The following IQCJ variants were observed in gnomAD, a reference collection of about 807,000 sequenced individuals.
The protein encoded by IQCJ is IQ motif containing J.
IQCJ carries 9 observed loss-of-function variants against 11.0 expected under a neutral mutation model. The observed-to-expected ratio is 0.82, with a 90% CI of 0.49 to 1.43. The LOEUF (loss-of-function observed/expected upper bound fraction) is 1.43. Ranked by LOEUF, IQCJ falls within the 40% of genes most tolerant of loss-of-function variation. IQCJ has a pLI of 0.00. For missense variants in IQCJ, 146 were observed against 133.2 expected, an observed-to-expected ratio of 1.10 and a Z score of -0.47; for synonymous variants, 55 against 51.3, an observed-to-expected ratio of 1.07 and a Z score of -0.31.
chr3:159,069,811 T>C (rs778325408), intron 1 of IQCJ: 25 of 472,548 alleles, frequency 5.3e-5, no homozygotes, highest in South Asian at 1.7e-4. Context: ...AAATGGTATG[T>C]TTTAAACACT....
intron 1 of IQCJ, among the ~76,000 whole-genome samples, chr3:159,229,261 C>A (rs1038803342): frequency 6.6e-6 from 1 of 151,242 alleles, no homozygotes; most frequent in Non-Finnish European, 1.5e-5. Flanking sequence ...AGCAACTCCC[C>A]AGCGGTGAGC....
chr3:159,165,523 A>C (rs1052029940), intron 1 of IQCJ, among the ~76,000 whole-genome samples: 1 of 152,210 alleles, frequency 6.6e-6, no homozygotes, highest in Non-Finnish European at 1.5e-5. Flanking sequence ...TGTATTTTCA[A>C]TTACAACAGA....
chr3:159,105,513 G>T (rs1041487058), intron 1 of IQCJ, among the ~76,000 whole-genome samples: 2 of 152,136 alleles, frequency 1.3e-5, no homozygotes, highest in African/African-American at 4.8e-5. Context: ...CACTCTCATG[G>T]GGGGAGACAA....
At chr3:159,186,765 C>G (rs1235658101) in intron 1 of IQCJ, among the ~76,000 whole-genome samples, 1 of 152,234 alleles carries the variant, frequency 6.6e-6, no homozygotes, top group Non-Finnish European at 1.5e-5. Flanking sequence ...CAGTTAATGA[C>G]AGCAGCAAAT....
rs549111961 is a variant in IQCJ at position 159,262,453 on chromosome 3, A to G, written c.156-95A>G. The G allele has an allele frequency of 5.9e-5, 90 of 1,516,796 alleles. No homozygotes were observed. In the South Asian group the frequency reaches 8.0e-4, roughly 13 times the overall value. The allele number at this position is 1,516,796 out of a possible 1,614,324, so 94.0% of individuals were successfully genotyped here. ...TCTACTTCCCTTGGCACCAAAGCCA[A>G]TTCCTTCAGACTCCTTGTGAGTTTC... On this transcript the variant is annotated intron_variant, in intron 3 of 3. Coordinates refer to ENST00000397832, the MANE Select transcript of IQCJ (RefSeq NM_001042706.3).
downstream of IQCJ, among the ~76,000 whole-genome samples, chr3:159,264,785 A>T (rs1208655600): frequency 1.3e-5 from 2 of 151,900 alleles, no homozygotes; most frequent in African/African-American, 4.8e-5. Flanking sequence ...GGTGGCATGC[A>T]CCTGTAATCC....
chr3:159,185,972 A>G (rs1246408016), intron 1 of IQCJ, among the ~76,000 whole-genome samples: 1 of 152,136 alleles, frequency 6.6e-6, no homozygotes. Flanking sequence ...GGGGAATTAG[A>G]CTCCAACTTT....
intron 1 of IQCJ, among the ~76,000 whole-genome samples, chr3:159,113,878 T>C (rs1405401728): frequency 2.0e-5 from 3 of 152,022 alleles, no homozygotes; most frequent in Admixed American, 2.0e-4. Context: ...TTTCTTTTTA[T>C]ACATTGAAAA....
intron 1 of IQCJ, among the ~76,000 whole-genome samples, chr3:159,171,614 A>G (rs1722488896): frequency 6.6e-6 from 1 of 152,238 alleles, no homozygotes; most frequent in African/African-American, 2.4e-5. Flanking sequence ...ACCTTTAAAA[A>G]AATACTGATA....
chr3:159,265,465 A>G (rs1728447878), downstream of IQCJ: 4 of 1,330,048 alleles, frequency 3.0e-6, no homozygotes, highest in Admixed American at 6.4e-5. Flanking sequence ...TAAGCCTGTC[A>G]TCAAGAAATG....
chr3:159,191,002 C>T (rs17727418), intron 1 of IQCJ, among the ~76,000 whole-genome samples: 2,031 of 152,272 alleles, frequency 0.013, 36 homozygotes, highest in Middle Eastern at 0.051. Flanking sequence ...TGCGGATGTT[C>T]CTATTCTCAG....
chr3:159,137,884 A>AAATAAAT (rs1720387766), intron 1 of IQCJ, among the ~76,000 whole-genome samples: 1 of 152,222 alleles, frequency 6.6e-6, no homozygotes, highest in Non-Finnish European at 1.5e-5. Flanking sequence ...ATAAATAGGA[A>AAATAAAT]AGGGATTTTT....
At chr3:159,131,828 A>T (rs1373734014) in intron 1 of IQCJ, among the ~76,000 whole-genome samples, 1 of 152,200 alleles carries the variant, frequency 6.6e-6, no homozygotes, top group Non-Finnish European at 1.5e-5. Flanking sequence ...CTGGCACACA[A>T]TAATAAACAG....
rs945043738 is a variant in IQCJ, at chr3:159,103,427, T to C, written c.9+33986T>C. Among the ~76,000 whole-genome samples, 3 of 152,214 alleles carry C rather than the reference T, an allele frequency of 2.0e-5. 1 individual carries two copies. Among genetic ancestry groups the C allele is most frequent in the South Asian group, 4.1e-4 (2 of 4,830 alleles). ...GATATGTCATACTCCACTCTTGAGGTACTTGGTGACTAAATTAAACACAAA... is the reference window on the plus strand; with the variant it reads ...GATATGTCATACTCCACTCTTGAGGCACTTGGTGACTAAATTAAACACAAA... On this transcript the variant is annotated intron_variant, in intron 1 of 3. Coordinates refer to ENST00000397832, the MANE Select transcript of IQCJ (RefSeq NM_001042706.3).
intron 1 of IQCJ, among the ~76,000 whole-genome samples, chr3:159,207,517 A>G (rs899600758): frequency 6.6e-6 from 1 of 152,210 alleles, no homozygotes; most frequent in Non-Finnish European, 1.5e-5. Context: ...TGTTTTGAAA[A>G]AAAAAATAGA....
chr3:159,149,340 G>A (rs940526839), intron 1 of IQCJ, among the ~76,000 whole-genome samples: 4 of 152,114 alleles, frequency 2.6e-5, no homozygotes, highest in African/African-American at 9.7e-5. Context: ...CATTTGTCTG[G>A]AGCTGTTTTT....
At chr3:159,168,588 C>T (rs1352187014) in intron 1 of IQCJ, among the ~76,000 whole-genome samples, 1 of 152,092 alleles carries the variant, frequency 6.6e-6, no homozygotes, top group Non-Finnish European at 1.5e-5. Flanking sequence ...TTTGAGTAGG[C>T]ATGTAAGTGA....
chr3:159,238,124 C>T (rs1007601509), intron 1 of IQCJ, among the ~76,000 whole-genome samples: 13 of 152,028 alleles, frequency 8.6e-5, no homozygotes, highest in African/African-American at 2.7e-4. Flanking sequence ...GAAAATGGAG[C>T]AGTTATGGGA....
intron 1 of IQCJ, among the ~76,000 whole-genome samples, chr3:159,187,413 G>A (rs1236175694): frequency 1.3e-5 from 2 of 152,224 alleles, no homozygotes; most frequent in Non-Finnish European, 2.9e-5. Context: ...TACCTCATTC[G>A]ACTTGTTGCT....
Sources: allele counts gnomAD v4.1 joint callset (sites outside exome capture counted in the v4.1 genomes callset), GRCh38; gene constraint gnomAD v4.1.1; transcripts MANE v1.5; gene names NCBI Gene and HGNC (gene_info 2026-07-23, HGNC 2026-07-21).